The following AGTPBP1 variants were observed in gnomAD, a reference collection of about 807,000 sequenced individuals.
AGTPBP1 encodes ATP/GTP binding carboxypeptidase 1.
AGTPBP1 carries 70 observed loss-of-function variants against 143.9 expected under a neutral mutation model. That is an observed-to-expected ratio of 0.49 (90% CI 0.40 to 0.59). The LOEUF is 0.59. Among genes scored for constraint, AGTPBP1 ranks in the 20% least tolerant of loss-of-function variants. The pLI is 0.00. For missense variants in AGTPBP1, 1,229 were observed against 1,464.5 expected, an observed-to-expected ratio of 0.84 and a Z score of 2.62; for synonymous variants, 463 against 500.2, an observed-to-expected ratio of 0.93 and a Z score of 0.99.
At chr9:85,584,817 T>C (rs12342509) in intron 23 of AGTPBP1, among the ~76,000 whole-genome samples, 2,814 of 152,276 alleles carry the variant, frequency 0.018, 98 homozygotes, top group African/African-American at 0.064. Flanking sequence ...CACACCTAGG[T>C]GAAGAAATTT....
intron 25 of AGTPBP1, among the ~76,000 whole-genome samples, chr9:85,563,957 T>C (rs1446201027): frequency 2.0e-5 from 3 of 152,226 alleles, no homozygotes; most frequent in Non-Finnish European, 4.4e-5. Flanking sequence ...AGCATCCATG[T>C]GTGCTGTCTC....
intron 23 of AGTPBP1, among the ~76,000 whole-genome samples, chr9:85,582,475 G>A (rs1024258536): frequency 6.6e-6 from 1 of 152,024 alleles, no homozygotes; most frequent in Admixed American, 6.6e-5. Context: ...TCAGGATTTC[G>A]AGACCAGCCT....
chr9:85,714,176 G>C (rs1305026533), intron 1 of AGTPBP1, among the ~76,000 whole-genome samples: 9 of 152,132 alleles, frequency 5.9e-5, no homozygotes. Context: ...CTTACTCTTG[G>C]GACTAGATTA....
chr9:85,757,101 T>TA, the AGTPBP1 span, among the ~76,000 whole-genome samples: 40 of 152,258 alleles, frequency 2.6e-4, no homozygotes, highest in Non-Finnish European at 5.0e-4. Context: ...TATTATTTTT[T>TA]ATTTTTTGAG....
At chr9:85,664,715 A>C (rs893444339) in intron 8 of AGTPBP1, among the ~76,000 whole-genome samples, 1 of 152,164 alleles carries the variant, frequency 6.6e-6, no homozygotes, top group Non-Finnish European at 1.5e-5. Flanking sequence ...TTAAAAAGTG[A>C]TTAAGAAAGC....
the AGTPBP1 span, among the ~76,000 whole-genome samples, chr9:85,801,237 G>A: frequency 6.6e-6 from 1 of 152,126 alleles, no homozygotes; most frequent in Admixed American, 6.5e-5. Flanking sequence ...GCTTGAACCA[G>A]GGAGGCGGAA....
intron 4 of AGTPBP1, among the ~76,000 whole-genome samples, chr9:85,680,624 G>A (rs1001586677): frequency 4.0e-5 from 6 of 151,602 alleles, no homozygotes; most frequent in African/African-American, 1.5e-4. Flanking sequence ...AAAAACTGTT[G>A]GTAACTTTTA....
intron 25 of AGTPBP1, among the ~76,000 whole-genome samples, chr9:85,574,157 A>AGATCTGCCTAGGAAAACCAGAAACCCTTG (rs1827736152): frequency 6.6e-6 from 1 of 152,014 alleles, no homozygotes; most frequent in Non-Finnish European, 1.5e-5. Flanking sequence ...GATCCTGTTG[A>AGATCTGCCTAGGAAAACCAGAAACCCTTG]TCTATGACCT....
intron 2 of AGTPBP1, among the ~76,000 whole-genome samples, chr9:85,708,067 A>T (rs1837129104): frequency 6.6e-6 from 1 of 152,208 alleles, no homozygotes; most frequent in Non-Finnish European, 1.5e-5. Context: ...TATAATAAAA[A>T]ATAATAATAA....
At chr9:85,590,844 A>G (rs1828914542) in intron 19 of AGTPBP1, among the ~76,000 whole-genome samples, 1 of 152,192 alleles carries the variant, frequency 6.6e-6, no homozygotes, top group African/African-American at 2.4e-5. Flanking sequence ...CATTACAGCT[A>G]CAAAGGTGAG....
At chr9:85,723,406 C>T (rs111312008) in intron 1 of AGTPBP1, among the ~76,000 whole-genome samples, 16 of 152,168 alleles carry the variant, frequency 1.1e-4, no homozygotes, top group African/African-American at 3.4e-4. Flanking sequence ...CAATGGCGGA[C>T]GCCCCTCCCC....
At chr9:85,571,432 TAAAC>T (rs1480352130) in intron 25 of AGTPBP1, among the ~76,000 whole-genome samples, 4 of 152,118 alleles carry the variant, frequency 2.6e-5, no homozygotes, top group African/African-American at 9.7e-5. Flanking sequence ...AGCATCAAAA[TAAAC>T]AATGGCAGTA....
chr9:85,770,254 T>C, the AGTPBP1 span: 14 of 1,399,232 alleles, frequency 1.0e-5, no homozygotes, highest in East Asian at 6.9e-5. Context: ...TACTATTTCA[T>C]TTAAAATGAG....
At chr9:85,702,715 C>G (rs1348614334) in intron 2 of AGTPBP1, among the ~76,000 whole-genome samples, 2 of 151,110 alleles carry the variant, frequency 1.3e-5, no homozygotes, top group Admixed American at 6.6e-5. Context: ...GAATTTTCCT[C>G]GATTGGTAAC....
intron 1 of AGTPBP1, among the ~76,000 whole-genome samples, chr9:85,725,544 A>T (rs1215652210): frequency 6.6e-6 from 1 of 152,100 alleles, no homozygotes; most frequent in East Asian, 1.9e-4. Flanking sequence ...ACCTCTCCAT[A>T]GGCACCGCCA....
chr9:85,608,622 GAT>G (rs1381771367), intron 17 of AGTPBP1, among the ~76,000 whole-genome samples: 1 of 151,010 alleles, frequency 6.6e-6, no homozygotes, highest in Non-Finnish European at 1.5e-5. Flanking sequence ...TTTAAGCAAA[GAT>G]ATCTTCTTTG....
intron 22 of AGTPBP1, among the ~76,000 whole-genome samples, chr9:85,586,491 T>C (rs1489678220): frequency 6.6e-6 from 1 of 152,156 alleles, no homozygotes; most frequent in Non-Finnish European, 1.5e-5. Flanking sequence ...TGTACTACAT[T>C]TCCCCTGTGT....
chr9:85,798,788 G>A, the AGTPBP1 span, among the ~76,000 whole-genome samples: 10 of 152,164 alleles, frequency 6.6e-5, no homozygotes, highest in South Asian at 2.1e-4. Flanking sequence ...TCTGGGCATC[G>A]TGGCTCATGC....
intron 17 of AGTPBP1, among the ~76,000 whole-genome samples, chr9:85,598,762 C>T (rs1829460382): frequency 6.6e-6 from 1 of 152,154 alleles, no homozygotes; most frequent in Non-Finnish European, 1.5e-5. Context: ...CTCTGTTGCT[C>T]AGGCTGAAGT....
Sources: gnomAD v4.1 joint callset for allele counts (sites outside exome capture counted in the v4.1 genomes callset) on GRCh38, gnomAD v4.1.1 for gene constraint, MANE v1.5 for transcripts, NCBI Gene and HGNC (gene_info 2026-07-23, HGNC 2026-07-21) for gene names.